The following CPHXL variants were observed in gnomAD, a reference collection of about 807,000 sequenced individuals.
CPHXL encodes cytoplasmic polyadenylated homeobox like.
intron 1 of CPHXL, among the ~76,000 whole-genome samples, chr16:75,725,554 G>T (rs1030306741): frequency 3.3e-5 from 5 of 150,968 alleles, no homozygotes; most frequent in Non-Finnish European, 5.9e-5. Context: ...CCGGGTTCAC[G>T]CCATTCTCCT....
chr16:75,721,546 A>G (rs895251119), intron 1 of CPHXL, among the ~76,000 whole-genome samples: 8 of 152,164 alleles, frequency 5.3e-5, no homozygotes, highest in South Asian at 2.1e-4. Flanking sequence ...TCAACAAGAA[A>G]AGCTAACTAT....
At position 75,726,467 on chromosome 16, in the gene CPHXL, A is replaced by C. The variant is rs1959561629; in HGVS notation, c.-25T>G. The C allele has an allele frequency of 5.0e-6, 2 of 398,658 alleles. No homozygotes were observed. The highest frequency in any genetic ancestry group is 1.3e-4 in the South Asian group (1 of 7,860). 24.7% of individuals were successfully genotyped at this position (398,658 alleles called of 1,614,324 possible). On this transcript the variant is annotated 5_prime_UTR_variant, in exon 1 of 3. Coordinates refer to ENST00000640559, the MANE Select transcript of CPHXL (RefSeq NM_001355613.1). ...TCTTGGGGTAGAAGACCTGGACTTC[A>C]CGGAGACCAGCAAGCAACTGAGATC...
At chr16:75,718,945 G>A (rs1296105366) in intron 1 of CPHXL, among the ~76,000 whole-genome samples, 1 of 152,196 alleles carries the variant, frequency 6.6e-6, no homozygotes, top group Admixed American at 6.5e-5. Flanking sequence ...GGCTACTGAG[G>A]GAATGGAATC....
intron 1 of CPHXL, among the ~76,000 whole-genome samples, chr16:75,719,771 G>A (rs963633098): frequency 4.6e-5 from 7 of 152,130 alleles, no homozygotes; most frequent in African/African-American, 1.7e-4. Context: ...CTCCCAGCAC[G>A]CAGCTGGAGA....
intron 1 of CPHXL, among the ~76,000 whole-genome samples, chr16:75,725,750 C>T (rs1391546613): frequency 1.0e-5 from 1 of 96,674 alleles, no homozygotes; most frequent in African/African-American, 3.7e-5. Context: ...CCGTGCCCGG[C>T]GTCTTTTTTT....
chr16:75,723,636 T>C (rs1013202086), intron 1 of CPHXL, among the ~76,000 whole-genome samples: 6 of 152,210 alleles, frequency 3.9e-5, no homozygotes, highest in African/African-American at 1.4e-4. Context: ...TCCATGCTCA[T>C]GGGTAGGAAG....
At position 75,714,224 on chromosome 16, in the gene CPHXL, T is replaced by A. The variant is rs1435331121; in HGVS notation, c.1218A>T (p.Ter406TyrextTer?). Residue 406 changes from the stop codon to tyrosine, a stop_lost, in exon 3 of 3, where the codon TAA (stop) becomes TAT (tyrosine). Transcript: ENST00000640559. ...TGCAGACCCTTGTCCACTCTTCAAC[T>A]TAAAGTTGCTGCATTTGGGTCCTGG... ...EQPRTQMQQL[*>Y] 1 of 398,528 alleles carries A rather than the reference T, an allele frequency of 2.5e-6. No individual in the cohort carries two copies. Among genetic ancestry groups the A allele is most frequent in the Non-Finnish European group, 4.4e-6 (1 of 226,118 alleles). The allele number at this position is 398,528 out of a possible 1,614,324, so 24.7% of individuals were successfully genotyped here.
chr16:75,714,688 G>A lies in CPHXL; in HGVS notation c.754C>T (p.Leu252Phe), dbSNP rs1248112439. Residue 252 changes from leucine to phenylalanine, a missense_variant, in exon 3 of 3, where the codon CTT (leucine) becomes TTT (phenylalanine). Leu to Phe is a conservative substitution (Grantham distance 22, BLOSUM62 0). Transcript: ENST00000640559. ...GGCACAGAAGATGGGGGAGGATGAAGGCATTCTGCAGAGTTGTAGCTGAGA... is the reference window on the plus strand; with the variant it reads ...GGCACAGAAGATGGGGGAGGATGAAAGCATTCTGCAGAGTTGTAGCTGAGA... ...HFLSYNSAEC[L>F]HPPPSSVPYF... 5.0e-6 allele frequency: 2 copies of A among 398,534 alleles called. No homozygotes were observed. The highest frequency in any genetic ancestry group is 4.4e-5 in the Admixed American group (1 of 22,716). The allele number at this position is 398,534 out of a possible 1,614,324, so 24.7% of individuals were successfully genotyped here.
At chr16:75,715,565 G>A (rs1266960740) in intron 2 of CPHXL, among the ~76,000 whole-genome samples, 2 of 152,304 alleles carry the variant, frequency 1.3e-5, no homozygotes, top group East Asian at 3.9e-4. Flanking sequence ...GACCCACTCT[G>A]TGCTACAGAA....
chr16:75,715,429 T>C (rs1959376711), intron 2 of CPHXL, among the ~76,000 whole-genome samples: 2 of 152,304 alleles, frequency 1.3e-5, no homozygotes, highest in East Asian at 1.9e-4. Context: ...TGCGCATTTC[T>C]AGAACCATAA....
intron 2 of CPHXL, 51 bp from the exon 3 acceptor site, chr16:75,715,273 T>C (rs1394040746): frequency 1.0e-5 from 4 of 398,426 alleles, no homozygotes; most frequent in African/African-American, 8.2e-5. Flanking sequence ...TCTGAATATA[T>C]TCTTATATGC....
At chr16:75,725,921 A>T (rs1422263811) in intron 1 of CPHXL, among the ~76,000 whole-genome samples, 16 of 151,898 alleles carry the variant, frequency 1.1e-4, no homozygotes, top group Admixed American at 1.1e-3. Context: ...TTGGATAAAC[A>T]CTTAAATGTA....
chr16:75,716,046 C>T (rs971881779), intron 2 of CPHXL, among the ~76,000 whole-genome samples: 6 of 151,886 alleles, frequency 4.0e-5, no homozygotes, highest in Admixed American at 6.6e-5. Flanking sequence ...CATTGGTTCA[C>T]GGGTTACAAC....
At chr16:75,718,167 G>A (rs138056558) in intron 2 of CPHXL, 98 bp downstream of exon 2, 13 of 394,472 alleles carry the variant, frequency 3.3e-5, no homozygotes, top group African/African-American at 1.6e-4. Flanking sequence ...GCAGTGAGCC[G>A]TGATCATGCC....
Position 75,714,349 on chromosome 16 carries a change from G to A in CPHXL, c.1093C>T (p.Pro365Ser). The change falls in exon 3 of 3, where the codon CCG (proline) becomes TCG (serine). Residue 365 changes from proline (P) to serine (S), a missense_variant. By Grantham distance (74) the Pro-to-Ser change is moderately conservative. Transcript: ENST00000640559. ...ATGTGCTGCAGTTGAGAGCACAACG[G>A]CTTTCCATTATTCTGAGGCAGTTGA... ...QSQLPQNNGK[P>S]LCSQLQHMSL... 5.0e-6 allele frequency: 2 copies of A among 398,574 alleles called. No individual in the cohort carries two copies. The highest frequency in any genetic ancestry group is 8.8e-6 in the Non-Finnish European group (2 of 226,070). 24.7% of individuals were successfully genotyped at this position (398,574 alleles called of 1,614,324 possible).
rs927934197 is a variant in CPHXL, at chr16:75,718,334, G to A, written c.150C>T (p.Asn50=). The A allele has an allele frequency of 2.5e-6, 1 of 398,712 alleles. No homozygotes were observed. Among genetic ancestry groups the A allele is most frequent in the African/African-American group, 2.1e-5 (1 of 48,640 alleles). 24.7% of individuals were successfully genotyped at this position (398,712 alleles called of 1,614,324 possible). Residue 50 remains asparagine, a synonymous_variant, in exon 2 of 3, where the codon AAC becomes AAT. Coordinates refer to ENST00000640559, the MANE Select transcript of CPHXL (RefSeq NM_001355613.1). ...TCCTAGTTGTGTAATCGGGATAACA[G>A]TTCTCTCCAAATATTTCCTTAAGTT... is the stretch of plus-strand genomic sequence containing the variant. ...LQELKEIFGE[N]CYPDYTTRKT... is the part of the protein sequence containing the mutation.
Position 75,726,416 on chromosome 16 carries a change from A to C in CPHXL, c.25+2T>G, listed in dbSNP as rs2151840979. ...TAAGAGAAAAAGCTGATGGGAACTT[A>C]CCACCTGAAGTGCCGTCCAAATTCA... On this transcript the variant is annotated splice_donor_variant, in intron 1 of 2. Coordinates refer to ENST00000640559, the MANE Select transcript of CPHXL (RefSeq NM_001355613.1). LOFTEE classifies it high-confidence loss of function. The C allele has an allele frequency of 5.0e-6, 2 of 398,636 alleles. No homozygotes were observed. Among genetic ancestry groups the C allele is most frequent in the Non-Finnish European group, 8.8e-6 (2 of 226,080 alleles). 24.7% of individuals were successfully genotyped at this position (398,636 alleles called of 1,614,324 possible).
intron 2 of CPHXL, among the ~76,000 whole-genome samples, chr16:75,717,089 G>T (rs1325260359): frequency 6.6e-6 from 1 of 152,068 alleles, no homozygotes; most frequent in Non-Finnish European, 1.5e-5. Flanking sequence ...ACCTTTCACA[G>T]CATAACCCAC....
At chr16:75,720,282 G>A (rs889355430) in intron 1 of CPHXL, among the ~76,000 whole-genome samples, 1 of 152,138 alleles carries the variant, frequency 6.6e-6, no homozygotes, top group Non-Finnish European at 1.5e-5. Flanking sequence ...AGAGAAGAAG[G>A]CTTCAGACGA....
Sources: allele counts gnomAD v4.1 joint callset (sites outside exome capture counted in the v4.1 genomes callset), GRCh38; gene constraint gnomAD v4.1.1; transcripts MANE v1.5; gene names NCBI Gene and HGNC (gene_info 2026-07-23, HGNC 2026-07-21).